NBAS: variants seen among roughly 807,000 people sequenced by gnomAD.
NBAS encodes the protein NBAS subunit of NRZ tethering complex.
A neutral mutation model predicts 302.5 loss-of-function variants in NBAS; 219 were observed. The observed-to-expected ratio is 0.72, with a 90% CI of 0.65 to 0.81. The LOEUF (loss-of-function observed/expected upper bound fraction) is 0.81. Among genes scored for constraint, NBAS ranks in the 30% least tolerant of loss-of-function variants. The pLI is 0.00. For missense variants in NBAS, 2,932 were observed against 2,841.6 expected (o/e 1.03, Z -0.72); for synonymous variants, 1,118 against 1,021.6 (o/e 1.09, Z -1.80).
chr2:14,992,575 G>A, the NBAS span, among the ~76,000 whole-genome samples: 1 of 152,220 alleles, frequency 6.6e-6, no homozygotes, highest in Non-Finnish European at 1.5e-5. Context: ...ATTTTCAGGA[G>A]ATGGTTCAGG....
the NBAS span, among the ~76,000 whole-genome samples, chr2:15,114,082 C>G: frequency 6.6e-6 from 1 of 152,116 alleles, no homozygotes; most frequent in African/African-American, 2.4e-5. Context: ...TCAGCAAACA[C>G]CAGACTGTGA....
At chr2:15,546,948 C>T (rs1238652676) in intron 6 of NBAS, among the ~76,000 whole-genome samples, 1 of 152,206 alleles carries the variant, frequency 6.6e-6, no homozygotes, top group Non-Finnish European at 1.5e-5. Flanking sequence ...AGTAGGCAAG[C>T]TGTTGCGTAC....
chr2:15,096,638 C>A, the NBAS span, among the ~76,000 whole-genome samples: 1 of 152,156 alleles, frequency 6.6e-6, no homozygotes, highest in African/African-American at 2.4e-5. Context: ...CTGCCACCCA[C>A]AGACAGGGAG....
chr2:14,944,915 G>T, the NBAS span, among the ~76,000 whole-genome samples: 1 of 152,142 alleles, frequency 6.6e-6, no homozygotes, highest in Non-Finnish European at 1.5e-5. Flanking sequence ...TGGGTGTCCT[G>T]GCAGGACACT....
chr2:15,462,047 T>C (rs1679529125), intron 19 of NBAS, among the ~76,000 whole-genome samples: 1 of 152,228 alleles, frequency 6.6e-6, no homozygotes, highest in Admixed American at 6.5e-5. Context: ...TTAATTGCAG[T>C]AGGACAACCA....
At chr2:14,854,726 T>C in the NBAS span, among the ~76,000 whole-genome samples, 1 of 152,226 alleles carries the variant, frequency 6.6e-6, no homozygotes, top group South Asian at 2.1e-4. Flanking sequence ...TGCCCACCCA[T>C]GGAGGGAGCA....
intron 47 of NBAS, 56 bp downstream of exon 47, chr2:15,232,366 T>A (rs1667416064): frequency 3.9e-6 from 6 of 1,524,412 alleles, no homozygotes; most frequent in East Asian, 4.5e-5. Context: ...TAAGAGCAAT[T>A]CTAATACTCT....
chr2:14,940,321 A>C, the NBAS span, among the ~76,000 whole-genome samples: 1 of 152,152 alleles, frequency 6.6e-6, no homozygotes, highest in Non-Finnish European at 1.5e-5. Flanking sequence ...AGATCTGTTT[A>C]AAACATATGT....
At position 15,404,512 on chromosome 2, in the gene NBAS, AT is replaced by A. The variant is rs996825365; in HGVS notation, c.2938-2212del. Among the ~76,000 whole-genome samples, 122 of 142,676 alleles carry A rather than the reference AT, an allele frequency of 8.6e-4. 1 individual carries two copies. Among genetic ancestry groups the A allele is most frequent in the Admixed American group, 2.7e-3 (38 of 14,316 alleles). 93.6% of individuals were successfully genotyped at this position (142,676 alleles called of 152,430 possible). A position where few individuals can be genotyped will look rare whatever the true frequency, so the allele number is the denominator to read the frequency against. On this transcript the variant is annotated intron_variant, in intron 25 of 51. Coordinates refer to ENST00000281513, the MANE Select transcript of NBAS (RefSeq NM_015909.4). ...CATTAAATAATCACTTTTTTTTTTA[AT>A]TTTTTTTTTTTTATTTTGAGACAGA... is the stretch of plus-strand genomic sequence containing the variant.
chr2:14,805,237 G>C, the NBAS span, among the ~76,000 whole-genome samples: 1 of 152,198 alleles, frequency 6.6e-6, no homozygotes, highest in Non-Finnish European at 1.5e-5. Context: ...CCAGAGGAAA[G>C]GGTAGTCCTT....
At chr2:15,224,793 A>T (rs1288105331) in intron 47 of NBAS, among the ~76,000 whole-genome samples, 1 of 152,214 alleles carries the variant, frequency 6.6e-6, no homozygotes, top group Non-Finnish European at 1.5e-5. Context: ...AGTGAGGGAC[A>T]TAAACACTCA....
chr2:15,035,371 C>G, the NBAS span, among the ~76,000 whole-genome samples: 1 of 152,160 alleles, frequency 6.6e-6, no homozygotes, highest in Non-Finnish European at 1.5e-5. Context: ...TGCTTTTACA[C>G]TTTTCTTCTT....
At chr2:15,252,331 T>C (rs571975977) in intron 44 of NBAS, among the ~76,000 whole-genome samples, 4 of 151,980 alleles carry the variant, frequency 2.6e-5, no homozygotes, top group Non-Finnish European at 5.9e-5. Context: ...AAACCCCATC[T>C]CTACTAAAAA....
chr2:15,166,501 TAG>T (rs1664025535), downstream of NBAS, among the ~76,000 whole-genome samples: 1 of 152,206 alleles, frequency 6.6e-6, no homozygotes, highest in African/African-American at 2.4e-5. Flanking sequence ...GTGTATCTGA[TAG>T]AGCCTCACAC....
intron 6 of NBAS, among the ~76,000 whole-genome samples, chr2:15,540,279 G>A (rs1481830924): frequency 6.6e-6 from 1 of 151,898 alleles, no homozygotes; most frequent in Non-Finnish European, 1.5e-5. Context: ...TTTCCATGCA[G>A]TGCAGGTGTC....
chr2:15,318,591 G>T (rs1313689362), intron 38 of NBAS, among the ~76,000 whole-genome samples: 1 of 152,100 alleles, frequency 6.6e-6, no homozygotes, highest in Admixed American at 6.5e-5. Context: ...AAAAGCAGGG[G>T]TTGCAATCCT....
intron 11 of NBAS, among the ~76,000 whole-genome samples, chr2:15,501,954 T>C (rs547194448): frequency 3.2e-4 from 48 of 152,242 alleles, no homozygotes; most frequent in Admixed American, 9.8e-4. Context: ...AAGAGAAACA[T>C]AATTGCTGCC....
At chr2:15,135,194 G>A in the NBAS span, among the ~76,000 whole-genome samples, 3 of 152,220 alleles carry the variant, frequency 2.0e-5, no homozygotes, top group Non-Finnish European at 4.4e-5. Flanking sequence ...AAGCTAAGGA[G>A]GGGACGGTGA....
chr2:14,946,483 A>C, the NBAS span, among the ~76,000 whole-genome samples: 21 of 152,200 alleles, frequency 1.4e-4, no homozygotes, highest in Non-Finnish European at 2.1e-4. Context: ...ATTCAGAAAG[A>C]AGATATGACA....
Sources: allele counts gnomAD v4.1 joint callset (sites outside exome capture counted in the v4.1 genomes callset), GRCh38; gene constraint gnomAD v4.1.1; transcripts MANE v1.5; gene names NCBI Gene and HGNC (gene_info 2026-07-23, HGNC 2026-07-21).